Variants in MACROH2A1 observed in about 807,000 individuals in gnomAD.
MACROH2A1 encodes core histone macro-H2A.1.
A neutral mutation model predicts 31.6 loss-of-function variants in MACROH2A1; 2 were observed. The ratio of observed to expected loss-of-function variants is 0.06; its 90% CI spans 0.03 to 0.20. The LOEUF (loss-of-function observed/expected upper bound fraction) is 0.20, where lower values mean the gene tolerates loss of function less well. Among genes scored for constraint, MACROH2A1 ranks in the 10% least tolerant of loss-of-function variants. The pLI is 1.00. For synonymous variants in MACROH2A1, 169 were observed against 189.6 expected (o/e 0.89, Z 0.89); for missense variants, 230 against 474.0 (o/e 0.49, Z 4.78).
At chr5:135,384,121 G>A (rs1766069256) in intron 2 of MACROH2A1, among the ~76,000 whole-genome samples, 1 of 152,200 alleles carries the variant, frequency 6.6e-6, no homozygotes, top group South Asian at 2.1e-4. Context: ...CAAGCTTGTA[G>A]GATTCCATCC....
At chr5:135,374,725 A>C (rs1764628514) in intron 2 of MACROH2A1, among the ~76,000 whole-genome samples, 1 of 152,210 alleles carries the variant, frequency 6.6e-6, no homozygotes, top group Admixed American at 6.5e-5. Flanking sequence ...GATAACCAGG[A>C]AAACACCAGA....
At position 135,345,984 on chromosome 5, in the gene MACROH2A1, G is replaced by A; in HGVS notation, c.762C>T (p.Pro254=). The change falls in exon 7 of 9, where the codon CCC becomes CCT. Residue 254 remains proline (P), a synonymous_variant. Coordinates refer to ENST00000511689, the MANE Select transcript of MACROH2A1 (RefSeq NM_138610.3). ...CCACCTCACCTCCAGCTACTTCCAA[G>A]GGCCCGTTCTTTTTCCGGAGTTCCA... ...AVLELRKKNG[P]LEVAGAAVSA... 1 of 1,612,500 alleles carries A rather than the reference G, an allele frequency of 6.2e-7. No individual in the cohort carries two copies. The highest frequency in any genetic ancestry group is 8.5e-7 in the Non-Finnish European group (1 of 1,178,490).
rs114596000 is a variant in MACROH2A1 at position 135,388,377 on chromosome 5, G to A, written c.172+545C>T. Among the ~76,000 whole-genome samples the A allele has an allele frequency of 2.6e-3, 399 of 152,282 alleles. 2 individuals carry two copies. Among genetic ancestry groups the A allele is most frequent in the African/African-American group, 9.0e-3 (376 of 41,570 alleles). ...GACGTGATGCACAGAGAAGGATGCAGCATCTCTGATGCCATTCTCCTAAGA... is the reference window on the plus strand; with the variant it reads ...GACGTGATGCACAGAGAAGGATGCAACATCTCTGATGCCATTCTCCTAAGA... On this transcript the variant is annotated intron_variant, in intron 2 of 8. Coordinates refer to ENST00000511689, the MANE Select transcript of MACROH2A1 (RefSeq NM_138610.3).
intron 1 of MACROH2A1, among the ~76,000 whole-genome samples, chr5:135,389,749 G>A (rs1027627889): frequency 3.9e-5 from 6 of 152,156 alleles, no homozygotes; most frequent in African/African-American, 1.4e-4. Context: ...ACCCAGTCCA[G>A]AGGAAAACCC....
chr5:135,363,307 CTA>C (rs2149814045), intron 4 of MACROH2A1, among the ~76,000 whole-genome samples: 1 of 152,326 alleles, frequency 6.6e-6, no homozygotes, highest in African/African-American at 2.4e-5. Context: ...CTGCCTGGTC[CTA>C]TATAGCCTGC....
rs546005644 is a variant in MACROH2A1 at position 135,350,083 on chromosome 5, G to C, written c.688+2863C>G. ...GGACACTATTTGATACTCCTGCCAG[G>C]AATCTGCAGCCTCAGGATATGGCAT... On this transcript the variant is annotated intron_variant, in intron 6 of 8. Transcript: ENST00000511689. Among the ~76,000 whole-genome samples, 3 of 152,246 alleles carry C rather than the reference G, an allele frequency of 2.0e-5. No individual in the cohort carries two copies. In the East Asian group the frequency reaches 5.8e-4, roughly 29 times the overall value.
intron 2 of MACROH2A1, among the ~76,000 whole-genome samples, chr5:135,381,386 A>C (rs1189093164): frequency 3.9e-5 from 6 of 152,226 alleles, no homozygotes; most frequent in Non-Finnish European, 7.3e-5. Flanking sequence ...TTAAATAATG[A>C]ATATAAAATA....
intron 8 of MACROH2A1, among the ~76,000 whole-genome samples, chr5:135,335,435 C>T (rs777124112): frequency 6.0e-5 from 9 of 149,410 alleles, no homozygotes; most frequent in African/African-American, 1.5e-4. Flanking sequence ...ATTAAGCCCC[C>T]GAAGTACAGT....
chr5:135,358,892 C>G lies in MACROH2A1; in HGVS notation c.588+1605G>C, dbSNP rs889534342. The G allele has an allele frequency of 1.1e-5, 11 of 985,148 alleles. No individual in the cohort carries two copies. In the African/African-American group the frequency reaches 1.7e-4, roughly 16 times the overall value. 61.0% of individuals were successfully genotyped at this position (985,148 alleles called of 1,614,324 possible). ...AAAGGAAGAGTTGAGTTGCTGAGAG[C>G]TGACATGTTCCTGGCTCTTGGGAGA... On this transcript the variant is annotated intron_variant, in intron 5 of 8. Transcript: ENST00000511689.
upstream of MACROH2A1, chr5:135,399,239 C>T (rs1768529706): frequency 6.6e-6 from 1 of 151,832 alleles, no homozygotes; most frequent in Admixed American, 6.6e-5. This position sits in a 1 kb window ranked among gnomAD's most constrained non-coding sequence, Gnocchi z 4.5. Flanking sequence ...TGGAACCAGT[C>T]CTCGCGGCCG....
intron 6 of MACROH2A1, among the ~76,000 whole-genome samples, chr5:135,352,376 A>G (rs1035044825): frequency 1.3e-5 from 2 of 152,200 alleles, no homozygotes. Context: ...ACTCACTTGG[A>G]GATATTGCCC....
intron 5 of MACROH2A1, chr5:135,356,728 T>G (rs1227553768): frequency 6.6e-6 from 1 of 151,934 alleles, no homozygotes; most frequent in Non-Finnish European, 1.5e-5. Context: ...AGGGAAGGAG[T>G]GTCTGGATGG....
intron 4 of MACROH2A1, among the ~76,000 whole-genome samples, chr5:135,364,329 TG>T (rs1763223914): frequency 6.6e-6 from 1 of 152,130 alleles, no homozygotes; most frequent in Non-Finnish European, 1.5e-5. Flanking sequence ...ACATGGCACA[TG>T]TATACATACG....
chr5:135,350,177 T>C (rs2149765976), intron 6 of MACROH2A1, among the ~76,000 whole-genome samples: 1 of 152,326 alleles, frequency 6.6e-6, no homozygotes, highest in East Asian at 1.9e-4. Flanking sequence ...CAATGCCTTA[T>C]CAGCTGCCAA....
intron 2 of MACROH2A1, among the ~76,000 whole-genome samples, chr5:135,378,005 T>G (rs570123903): frequency 1.3e-5 from 2 of 152,240 alleles, no homozygotes; most frequent in South Asian, 4.1e-4. Flanking sequence ...CTGTGCTGTC[T>G]GCCGGTGTGG....
rs758720711 is a variant in MACROH2A1, at chr5:135,343,133, G to A, written c.953+127C>T. The stretch of plus-strand genomic sequence containing the variant: ...ATGTCTGCATTCTTCCCTGTGTTGT[G>A]CTTCTGGTCTCCTTGGTTAAGGCAG... On this transcript the variant is annotated intron_variant, in intron 8 of 8. Transcript: ENST00000511689. The A allele has an allele frequency of 4.4e-6, 7 of 1,581,194 alleles. No homozygotes were observed. The East Asian group carries it at 1.4e-4, about 31-fold the overall frequency.
At chr5:135,389,698 G>A (rs909783526) in intron 1 of MACROH2A1, among the ~76,000 whole-genome samples, 6 of 152,316 alleles carry the variant, frequency 3.9e-5, no homozygotes, top group Middle Eastern at 3.4e-3. Context: ...AAGAGAGAGA[G>A]AGGTGTTTTT....
intron 1 of MACROH2A1, among the ~76,000 whole-genome samples, chr5:135,397,121 G>A (rs1388344333): frequency 6.6e-6 from 1 of 152,108 alleles, no homozygotes; most frequent in Non-Finnish European, 1.5e-5. Context: ...GTCTTGTTGG[G>A]TTCTTCGGCT....
In MACROH2A1 at chr5:135,343,422, G is replaced by A; in HGVS notation, c.791C>T (p.Ala264Val). ...AAACTTGGCAGGCAGGCCATGGCCTGCGCTGACAGCAGCTAGTGGTGCGGG... is the reference window on the plus strand; with the variant it reads ...AAACTTGGCAGGCAGGCCATGGCCTACGCTGACAGCAGCTAGTGGTGCGGG... ...PLEVAGAAVS[A>V]GHGLPAKFVI... Residue 264 changes from alanine to valine, a missense_variant, in exon 8 of 9, where the codon GCA (alanine) becomes GTA (valine). Coordinates refer to ENST00000511689, the MANE Select transcript of MACROH2A1 (RefSeq NM_138610.3). 1 of 1,614,092 alleles carries A rather than the reference G, an allele frequency of 6.2e-7. No homozygotes were observed. The highest frequency in any genetic ancestry group is 8.5e-7 in the Non-Finnish European group (1 of 1,179,970).
Sources: allele counts gnomAD v4.1 joint callset (sites outside exome capture counted in the v4.1 genomes callset), GRCh38; gene constraint gnomAD v4.1.1; non-coding constraint Gnocchi (gnomAD v3.1); transcripts MANE v1.5; gene names NCBI Gene and HGNC (gene_info 2026-07-23, HGNC 2026-07-21).